Variants in TBX5 observed in about 807,000 individuals in gnomAD.
TBX5 encodes the protein T-box transcription factor TBX5.
TBX5 carries 8 observed loss-of-function variants against 51.1 expected under a neutral mutation model. The observed-to-expected ratio is 0.16, with a 90% CI of 0.09 to 0.28. The LOEUF (loss-of-function observed/expected upper bound fraction) is 0.28, where lower values mean the gene tolerates loss of function less well. Among genes scored for constraint, TBX5 ranks in the 10% least tolerant of loss-of-function variants. The pLI, the probability that TBX5 is intolerant of heterozygous loss-of-function variation, is 1.00. For missense variants in TBX5, 589 were observed against 671.7 expected, an observed-to-expected ratio of 0.88 and a Z score of 1.36; for synonymous variants, 302 against 266.4, an observed-to-expected ratio of 1.13 and a Z score of -1.30.
rs1469634204 is a variant in TBX5 at position 114,405,723 on chromosome 12, G to T, written c.-134C>A. ...GGGGAGCAGGCATGGTGGCTCCGGG[G>T]TTTATGCGGGGTTTACTGCTTACCC... On this transcript the variant is annotated 5_prime_UTR_variant, in exon 1 of 9. Coordinates refer to ENST00000405440, the MANE Select transcript of TBX5 (RefSeq NM_181486.4). 1 of 985,494 alleles carries T rather than the reference G, an allele frequency of 1.0e-6. No individual in the cohort carries two copies. The highest frequency in any genetic ancestry group is 1.1e-4 in the East Asian group (1 of 8,816). 61.0% of individuals were successfully genotyped at this position (985,494 alleles called of 1,614,324 possible). A position where few individuals can be genotyped will look rare whatever the true frequency, so the allele number is the denominator to read the frequency against.
chr12:114,398,437 CGAAAGTGGGG>C (rs1259750420), intron 5 of TBX5, 126 bp downstream of exon 5: 11 of 1,300,678 alleles, frequency 8.5e-6, no homozygotes, highest in Non-Finnish European at 1.2e-5. Flanking sequence ...CAGAAAGCGA[CGAAAGTGGGG>C]GAAAATGGAG....
chr12:114,358,029 G>A (rs1369009251), intron 8 of TBX5, among the ~76,000 whole-genome samples: 1 of 152,170 alleles, frequency 6.6e-6, no homozygotes, highest in Non-Finnish European at 1.5e-5. Context: ...TGTAATGCCT[G>A]TCTCATAAAG....
chr12:114,362,912 C>T (rs922501021), intron 8 of TBX5, among the ~76,000 whole-genome samples: 12 of 152,172 alleles, frequency 7.9e-5, no homozygotes, highest in African/African-American at 1.7e-4. Context: ...AATCCTCCAG[C>T]CTCAGCCTCC....
rs751249347 is a variant in TBX5 at position 114,398,693 on chromosome 12, G to A, written c.390C>T (p.Ala130=). 5.0e-6 allele frequency: 8 copies of A among 1,606,980 alleles called. No homozygotes were observed. Among genetic ancestry groups the A allele is most frequent in the Non-Finnish European group, 6.8e-6 (8 of 1,176,940 alleles). The part of the protein sequence containing the change: ...KWSVTGKAEP[A]MPGRLYVHPD... ...GGTGCACGTACAGGCGGCCAGGCATGGCGGGCTCAGCTTTGCCCGTCACAG... is the reference window on the plus strand; with the variant it reads ...GGTGCACGTACAGGCGGCCAGGCATAGCGGGCTCAGCTTTGCCCGTCACAG... The change falls in exon 5 of 9, where the codon GCC becomes GCT. Residue 130 remains alanine (A), a synonymous_variant. Coordinates refer to ENST00000405440, the MANE Select transcript of TBX5 (RefSeq NM_181486.4).
At chr12:114,395,299 A>G (rs1018610679) in intron 5 of TBX5, among the ~76,000 whole-genome samples, 1 of 152,148 alleles carries the variant, frequency 6.6e-6, no homozygotes, top group Non-Finnish European at 1.5e-5. Context: ...GCACGGGGAC[A>G]AACAAACAAC....
chr12:114,392,720 C>T (rs1297685302), intron 6 of TBX5, among the ~76,000 whole-genome samples: 3 of 8,690 alleles, frequency 3.5e-4, no homozygotes, highest in Non-Finnish European at 1.4e-3. Context: ...TTCCTTATTG[C>T]TATTTTTTTT....
rs1593851230 is a variant in TBX5 at position 114,370,264 on chromosome 12, AAAAGAAAAGAAAAGAAAAGAAAAG to A, written c.756-3897_756-3874del. Among the ~76,000 whole-genome samples the A allele has an allele frequency of 1.5e-3, 202 of 135,024 alleles. 4 individuals are homozygous for A. Among genetic ancestry groups the A allele is most frequent in the African/African-American group, 2.9e-3 (109 of 37,046 alleles). 88.6% of individuals were successfully genotyped at this position (135,024 alleles called of 152,430 possible). ...AAAAGAAAAGAAAAGAAAAGAAAAG[AAAAGAAAAGAAAAGAAAAGAAAAG>A]AAAGAAAAGAAAAGAAAAGAAAAGA... On this transcript the variant is annotated intron_variant, in intron 7 of 8. Coordinates refer to ENST00000405440, the MANE Select transcript of TBX5 (RefSeq NM_181486.4).
At chr12:114,402,117 C>G (rs1019725729) in intron 2 of TBX5, among the ~76,000 whole-genome samples, 197 bp from the exon 3 acceptor site, 2 of 152,240 alleles carry the variant, frequency 1.3e-5, no homozygotes, top group Non-Finnish European at 2.9e-5. Context: ...CCTATGTAGG[C>G]TGAATCCCTG....
At position 114,370,253 on chromosome 12, in the gene TBX5, G is replaced by T. The variant is rs556410461; in HGVS notation, c.756-3862C>A. Among the ~76,000 whole-genome samples the T allele has an allele frequency of 2.4e-4, 15 of 62,778 alleles. 1 individual carries two copies. Among genetic ancestry groups the T allele is most frequent in the East Asian group, 1.5e-3 (3 of 2,004 alleles). 41.2% of individuals were successfully genotyped at this position (62,778 alleles called of 152,430 possible). On this transcript the variant is annotated intron_variant, in intron 7 of 8. Transcript: ENST00000405440. ...TCTCAGAAAAGAAAAGAAAAGAAAAGAAAAGAAAAGAAAAGAAAAGAAAAG... is the reference window on the plus strand; with the variant it reads ...TCTCAGAAAAGAAAAGAAAAGAAAATAAAAGAAAAGAAAAGAAAAGAAAAG...
At chr12:114,365,646 C>T (rs115633222) in intron 8 of TBX5, among the ~76,000 whole-genome samples, 2,752 of 152,006 alleles carry the variant, frequency 0.018, 73 homozygotes, top group African/African-American at 0.062. Flanking sequence ...CTGGGCAACA[C>T]AGTGAGACCC....
intron 8 of TBX5, among the ~76,000 whole-genome samples, chr12:114,358,727 C>G (rs1869058939): frequency 6.6e-6 from 1 of 152,058 alleles, no homozygotes; most frequent in Non-Finnish European, 1.5e-5. Flanking sequence ...TTGAAAACAT[C>G]CAGATGAATG....
At chr12:114,405,320 T>C (rs769383367) in intron 1 of TBX5, among the ~76,000 whole-genome samples, 1 of 152,178 alleles carries the variant, frequency 6.6e-6, no homozygotes, top group Non-Finnish European at 1.5e-5. Context: ...TCCCATTCAC[T>C]GCCGGCCGCG....
At chr12:114,396,168 C>T (rs1260501830) in intron 5 of TBX5, among the ~76,000 whole-genome samples, 1 of 151,888 alleles carries the variant, frequency 6.6e-6, no homozygotes, top group Non-Finnish European at 1.5e-5. Context: ...GGGGGAGGGA[C>T]GAGGAACTCG....
At chr12:114,370,307 GA>G (rs1565929452) in intron 7 of TBX5, among the ~76,000 whole-genome samples, 9 of 140,358 alleles carry the variant, frequency 6.4e-5, no homozygotes, top group South Asian at 2.3e-4. Context: ...GAAAAGAAAA[GA>G]AAAGAAAGAA....
At chr12:114,370,287 A>AGAAAAGAAAG (rs1565929396) in intron 7 of TBX5, among the ~76,000 whole-genome samples, 1 of 40,758 alleles carries the variant, frequency 2.5e-5, no homozygotes, top group Non-Finnish European at 7.9e-5. Flanking sequence ...AGAAAAGAAA[A>AGAAAAGAAAG]GAAAGAAAAG....
chr12:114,367,941 T>A (rs1330880644), intron 7 of TBX5, among the ~76,000 whole-genome samples: 1 of 152,202 alleles, frequency 6.6e-6, no homozygotes, highest in Non-Finnish European at 1.5e-5. Context: ...ATTCATAGGC[T>A]TCAACACACT....
At chr12:114,388,992 G>T (rs980248631) in intron 6 of TBX5, among the ~76,000 whole-genome samples, 2 of 151,994 alleles carry the variant, frequency 1.3e-5, no homozygotes, top group African/African-American at 4.8e-5. Context: ...GCAGTGGCGC[G>T]ATCTTGGCTC....
In TBX5 at chr12:114,394,904, TAAAG is replaced by T. The variant is rs760343547; in HGVS notation, c.511-15_511-12del. 62 of 1,612,484 alleles carry T rather than the reference TAAAG, an allele frequency of 3.8e-5. No homozygotes were observed. The highest frequency in any genetic ancestry group is 5.1e-5 in the Non-Finnish European group (60 of 1,178,960). Reference sequence around the variant, plus strand: ...GGAATTTAGAATAATCTAAAAATAATAAAGAAAATGAGATTGTAAGAAAATCAAA... The same window carrying T: ...GGAATTTAGAATAATCTAAAAATAATAAAATGAGATTGTAAGAAAATCAAA... On this transcript the variant is annotated splice_polypyrimidine_tract_variant and intron_variant, in intron 5 of 8. Coordinates refer to ENST00000405440, the MANE Select transcript of TBX5 (RefSeq NM_181486.4).
At chr12:114,386,977 G>C (rs149110550) in intron 6 of TBX5, among the ~76,000 whole-genome samples, 40 of 151,694 alleles carry the variant, frequency 2.6e-4, no homozygotes, top group East Asian at 2.1e-3. Flanking sequence ...ATGATGGCAG[G>C]CTCCTATAAT....
Sources: gnomAD v4.1 joint callset for allele counts (sites outside exome capture counted in the v4.1 genomes callset) on GRCh38, gnomAD v4.1.1 for gene constraint, MANE v1.5 for transcripts, NCBI Gene and HGNC (gene_info 2026-07-23, HGNC 2026-07-21) for gene names.